The following GAS6 variants were observed in gnomAD, a reference collection of about 807,000 sequenced individuals.
GAS6 encodes growth arrest specific 6.
In GAS6, 41 loss-of-function variants were observed where a neutral mutation model predicts 75.8. The ratio of observed to expected loss-of-function variants is 0.54; its 90% CI spans 0.42 to 0.70. The LOEUF (loss-of-function observed/expected upper bound fraction) is 0.70, where lower values mean the gene tolerates loss of function less well. GAS6 is among the 30% of genes least tolerant of loss of function. The pLI, the probability that GAS6 is intolerant of heterozygous loss-of-function variation, is 0.00. For missense variants in GAS6, 854 were observed against 940.2 expected (o/e 0.91, Z 1.20); for synonymous variants, 432 against 412.6 (o/e 1.05, Z -0.57).
chr13:113,832,738 G>A lies in GAS6; in HGVS notation c.849C>T (p.Cys283=), dbSNP rs759198463. ...CACTCTTGGCCACGCTGAAGGGCAC[G>A]CACGGCAAGATGTCCTGCCACGGAC... ...DMDTCEDILP[C]VPFSVAKSVK... is the part of the protein sequence containing the mutation. The change falls in exon 9 of 15, where the codon TGC becomes TGT. Residue 283 remains cysteine (C), a synonymous_variant. Transcript: ENST00000327773. 120 of 1,612,568 alleles carry A rather than the reference G, an allele frequency of 7.4e-5. No individual in the cohort carries two copies. The highest frequency in any genetic ancestry group is 1.6e-4 in the Middle Eastern group (1 of 6,080).
At chr13:113,834,780 T>C in intron 7 of GAS6, 108 bp from the exon 8 acceptor site, 2 of 1,219,972 alleles carry the variant, frequency 1.6e-6, no homozygotes, top group Non-Finnish European at 2.1e-6. Context: ...CTCAAGGAAT[T>C]ACATGCAGAT....
chr13:113,860,806 G>T (rs561009780), intron 2 of GAS6, among the ~76,000 whole-genome samples: 9 of 152,276 alleles, frequency 5.9e-5, no homozygotes, highest in African/African-American at 2.2e-4. Flanking sequence ...GTCCCTTCCA[G>T]CAGAACAGGG....
At chr13:113,828,002 G>A (rs141297406) in intron 11 of GAS6, among the ~76,000 whole-genome samples, 192 of 152,328 alleles carry the variant, frequency 1.3e-3, no homozygotes, top group Middle Eastern at 6.8e-3. Flanking sequence ...TCGGCCGGGC[G>A]CGGTGGCTCA....
chr13:113,848,156 CAGAG>C lies in GAS6; in HGVS notation c.256-110_256-107del. 2.4e-6 allele frequency: 3 copies of C among 1,228,306 alleles called. No individual in the cohort carries two copies. Among genetic ancestry groups the C allele is most frequent in the Non-Finnish European group, 3.5e-6 (3 of 857,126 alleles). 76.1% of individuals were successfully genotyped at this position (1,228,306 alleles called of 1,614,324 possible). On this transcript the variant is annotated intron_variant, in intron 2 of 14. Transcript: ENST00000327773. This position sits in a 1 kb window ranked among gnomAD's most constrained non-coding sequence, Gnocchi z 4.8. ...AATCAGAGGCTGCTCTCGGGGCAGC[CAGAG>C]GGCCGCCCCACCCGGGGAACTGAGG...
At chr13:113,859,702 G>C (rs897201650) in intron 2 of GAS6, among the ~76,000 whole-genome samples, 3 of 152,000 alleles carry the variant, frequency 2.0e-5, no homozygotes, top group Non-Finnish European at 4.4e-5. Flanking sequence ...CTGCACACCT[G>C]TATCCATGAG....
Position 113,827,152 on chromosome 13 carries a change from G to A in GAS6, c.1321C>T (p.Leu441=), listed in dbSNP as rs78437382. 2.0e-3 allele frequency: 3,230 copies of A among 1,612,572 alleles called. 63 individuals carry two copies. The African/African-American group carries it at 0.039, about 20-fold the overall frequency. Residue 441 remains leucine (L), a synonymous_variant, in exon 12 of 15, where the codon CTG becomes TTG. Transcript: ENST00000327773. ...TTCCAGCTCCTCATGCAGCCATCCA[G>A]ACGAGGGTTTATCTGGAAAGGCAGA... ...KDLVQPINPR[L]DGCMRSWNWL...
rs150170581 is a variant in GAS6 at position 113,820,987 on chromosome 13, C to G, written c.1914G>C (p.Ala638=). 3.1e-5 allele frequency: 50 copies of G among 1,612,548 alleles called. No homozygotes were observed. The highest frequency in any genetic ancestry group is 4.0e-5 in the Non-Finnish European group (47 of 1,179,892). The change falls in exon 15 of 15, where the codon GCG becomes GCC. Residue 638 remains alanine, a synonymous_variant. Transcript: ENST00000327773. ...CCAGTGTCATGCAGCCGCGGTAGAACGCGGTGACTGGCGCTGAAGTCACCG... is the reference window on the plus strand; with the variant it reads ...CCAGTGTCATGCAGCCGCGGTAGAAGGCGGTGACTGGCGCTGAAGTCACCG... The part of the protein sequence containing the change: ...DVPVTSAPVT[A]FYRGCMTLEV...
chr13:113,828,044 G>C (rs1052224744), intron 11 of GAS6, among the ~76,000 whole-genome samples: 5 of 152,186 alleles, frequency 3.3e-5, no homozygotes, highest in Admixed American at 1.3e-4. Flanking sequence ...GGGAGGCCGA[G>C]GTGGGCAGTT....
chr13:113,831,404 G>A (rs367642931), intron 10 of GAS6, among the ~76,000 whole-genome samples: 26 of 152,208 alleles, frequency 1.7e-4, no homozygotes, highest in African/African-American at 5.3e-4. Context: ...GCCTGGCCAC[G>A]GCCCGGGAGA....
chr13:113,822,207 G>A, intron 13 of GAS6, 21 bp from the exon 14 acceptor site: 1 of 1,500,624 alleles, frequency 6.7e-7, no homozygotes. Flanking sequence ...CCGAGGTGTG[G>A]TCAGGGCCTG....
intron 2 of GAS6, among the ~76,000 whole-genome samples, chr13:113,855,355 C>G (rs7321526): frequency 0.13 from 19,196 of 152,208 alleles, 1,894 homozygotes; most frequent in African/African-American, 0.28. Flanking sequence ...AATAAGCTAC[C>G]GGCCTCTGTT....
chr13:113,825,792 C>T (rs1466320576), intron 12 of GAS6, among the ~76,000 whole-genome samples: 1 of 151,232 alleles, frequency 6.6e-6, no homozygotes, highest in East Asian at 1.9e-4. Flanking sequence ...GATGCCTTTC[C>T]TGACACGGTC....
Position 113,845,647 on chromosome 13 carries a change from AC to A in GAS6, c.343+879del, listed in dbSNP as rs1224882693. Reference sequence around the variant, plus strand: ...ACCAATGGCTAATGTGCAAACTCCTACAAATTGAGAAAAACAGGCAAAAAAT... The same window carrying A: ...ACCAATGGCTAATGTGCAAACTCCTAAAATTGAGAAAAACAGGCAAAAAAT... On this transcript the variant is annotated intron_variant, in intron 4 of 14. Transcript: ENST00000327773. This position sits in a 1 kb window ranked among gnomAD's most constrained non-coding sequence, Gnocchi z 4.3. 7.1e-6 allele frequency: 1 copy of A among 140,448 alleles called. No homozygotes were observed. Among genetic ancestry groups the A allele is most frequent in the Non-Finnish European group, 1.5e-5 (1 of 67,224 alleles). The allele number at this position is 140,448 out of a possible 1,614,324, so 8.7% of individuals were successfully genotyped here.
chr13:113,826,526 C>T (rs559859432), intron 12 of GAS6, among the ~76,000 whole-genome samples: 2 of 120,942 alleles, frequency 1.7e-5, no homozygotes, highest in Non-Finnish European at 3.6e-5. Context: ...CTTCTCTCCC[C>T]GGCCTCCCGG....
intron 4 of GAS6, chr13:113,842,907 C>T: frequency 2.5e-6 from 1 of 397,130 alleles, no homozygotes; most frequent in Non-Finnish European, 4.4e-6. Flanking sequence ...ACAGTGCCTG[C>T]TCCTGCCAGG....
Position 113,820,890 on chromosome 13 carries a change from G to C in GAS6, c.2011C>G (p.Pro671Ala). 6.2e-7 allele frequency: 1 copy of C among 1,611,434 alleles called. No individual in the cohort carries two copies. The highest frequency in any genetic ancestry group is 8.5e-7 in the Non-Finnish European group (1 of 1,179,806). ...TAGGCTGCGGCGGGCTCCACGGGGG[G>C]GCAGGAGTGGGCCGTGATGTCGCTG... ...KHSDITAHSC[P>A]PVEPAAA Residue 671 changes from proline (P) to alanine (A), a missense_variant, in exon 15 of 15, where the codon CCC (proline) becomes GCC (alanine). Coordinates refer to ENST00000327773, the MANE Select transcript of GAS6 (RefSeq NM_000820.4).
In GAS6 at chr13:113,831,250, C is replaced by T. The variant is rs988915203; in HGVS notation, c.1143+1049G>A. Among the ~76,000 whole-genome samples, 8 of 152,174 alleles carry T rather than the reference C, an allele frequency of 5.3e-5. No individual in the cohort carries two copies. The East Asian group carries it at 5.8e-4, about 11-fold the overall frequency. On this transcript the variant is annotated intron_variant, in intron 10 of 14. Transcript: ENST00000327773. ...GGGGCTGGGGTCCAGGTGGTCAGGA[C>T]GTCTCTGGCAAGGGGCAGCTCCCGT...
Position 113,848,167 on chromosome 13 carries a change from C to T in GAS6, c.256-117G>A. On this transcript the variant is annotated intron_variant, in intron 2 of 14. Transcript: ENST00000327773. The surrounding 1 kb of genome is among the most constrained non-coding windows in gnomAD (Gnocchi z 4.8). ...GCTCTCGGGGCAGCCAGAGGGCCGC[C>T]CCACCCGGGGAACTGAGGGGAAGTG... 9.2e-7 allele frequency: 1 copy of T among 1,087,632 alleles called. No homozygotes were observed. The highest frequency in any genetic ancestry group is 1.4e-6 in the Non-Finnish European group (1 of 733,566). The allele number at this position is 1,087,632 out of a possible 1,614,324, so 67.4% of individuals were successfully genotyped here. A position where few individuals can be genotyped will look rare whatever the true frequency, so the allele number is the denominator to read the frequency against.
intron 14 of GAS6, chr13:113,821,602 G>A (rs942932351): frequency 1.3e-5 from 4 of 302,810 alleles, no homozygotes; most frequent in East Asian, 6.1e-5. Context: ...TAACAGCTGC[G>A]GTGACAGCCG....
Sources: allele counts gnomAD v4.1 joint callset (sites outside exome capture counted in the v4.1 genomes callset), GRCh38; gene constraint gnomAD v4.1.1; non-coding constraint Gnocchi (gnomAD v3.1); transcripts MANE v1.5; gene names NCBI Gene and HGNC (gene_info 2026-07-23, HGNC 2026-07-21).